Variants in PITPNC1 observed in about 807,000 individuals in gnomAD.
PITPNC1 encodes phosphatidylinositol transfer protein cytoplasmic 1.
Under a neutral mutation model 44.7 loss-of-function variants are expected in PITPNC1, and 18 were observed. That is an observed-to-expected ratio of 0.40 (90% confidence interval 0.28 to 0.60). The LOEUF (loss-of-function observed/expected upper bound fraction) is 0.60, where lower values mean the gene tolerates loss of function less well. Among genes scored for constraint, PITPNC1 ranks in the 20% least tolerant of loss-of-function variants. The pLI, the probability that PITPNC1 is intolerant of heterozygous loss-of-function variation, is 0.39. For synonymous variants in PITPNC1, 141 were observed against 149.6 expected, an observed-to-expected ratio of 0.94 and a Z score of 0.42; for missense variants, 290 against 418.4, an observed-to-expected ratio of 0.69 and a Z score of 2.68.
chr17:67,509,770 A>C (rs1465680759), intron 1 of PITPNC1, among the ~76,000 whole-genome samples: 1 of 152,158 alleles, frequency 6.6e-6, no homozygotes, highest in African/African-American at 2.4e-5. Context: ...GGGGAGGAAG[A>C]ATCAACTTCC....
intron 1 of PITPNC1, among the ~76,000 whole-genome samples, chr17:67,498,621 A>G (rs2039986920): frequency 6.6e-6 from 1 of 152,102 alleles, no homozygotes; most frequent in Non-Finnish European, 1.5e-5. Context: ...GAAGCTTCGT[A>G]TTGTTCTCCA....
chr17:67,608,720 TCTCAAACTCCTGGG>T (rs2041648537), intron 5 of PITPNC1, among the ~76,000 whole-genome samples: 1 of 148,086 alleles, frequency 6.8e-6, no homozygotes, highest in South Asian at 2.2e-4. Context: ...CCCAGGCTGG[TCTCAAACTCCTGGG>T]CTCAAGTGAT....
At chr17:67,434,735 C>T (rs1349918134) in intron 1 of PITPNC1, among the ~76,000 whole-genome samples, 1 of 150,754 alleles carries the variant, frequency 6.6e-6, no homozygotes, top group Admixed American at 6.6e-5. Flanking sequence ...ATTGCTTGAG[C>T]CCAGGAGGTG....
intron 1 of PITPNC1, among the ~76,000 whole-genome samples, chr17:67,517,295 G>T (rs542857430): frequency 6.6e-6 from 1 of 152,056 alleles, no homozygotes; most frequent in African/African-American, 2.4e-5. Context: ...TGGCTTTCTT[G>T]TTGCTGTACA....
rs113856210 is a variant in PITPNC1, at chr17:67,603,942, T to A, written c.366+25685T>A. 7.1e-3 allele frequency among the ~76,000 whole-genome samples: 956 copies of A among 135,334 alleles called. 5 individuals carry two copies. The highest frequency in any genetic ancestry group is 0.022 in the African/African-American group (811 of 36,860). The allele number at this position is 135,334 out of a possible 152,430, so 88.8% of individuals were successfully genotyped here. On this transcript the variant is annotated intron_variant, in intron 5 of 8. Coordinates refer to ENST00000581322, the MANE Select transcript of PITPNC1 (RefSeq NM_012417.4). ...AGAACGAGACTCTGTCTCATAGATT[T>A]AAAAAAAAAAAAAAAACTGTACATG...
chr17:67,584,740 C>A (rs1477519568), intron 5 of PITPNC1, among the ~76,000 whole-genome samples: 1 of 152,128 alleles, frequency 6.6e-6, no homozygotes, highest in African/African-American at 2.4e-5. Context: ...TGTCAATGAA[C>A]CATTTGCTGT....
intron 8 of PITPNC1, among the ~76,000 whole-genome samples, chr17:67,677,912 T>G (rs1284715367): frequency 1.3e-5 from 2 of 149,854 alleles, no homozygotes; most frequent in African/African-American, 4.9e-5. Context: ...CTAATAAAAA[T>G]TGAAAGAAAA....
At chr17:67,447,334 CT>C (rs2039112768) in intron 1 of PITPNC1, among the ~76,000 whole-genome samples, 1 of 151,796 alleles carries the variant, frequency 6.6e-6, no homozygotes, top group Non-Finnish European at 1.5e-5. Context: ...ACAATATAAA[CT>C]GCATGCTTAG....
At chr17:67,558,466 T>TAA (rs139657943) in intron 4 of PITPNC1, among the ~76,000 whole-genome samples, 1 of 132,542 alleles carries the variant, frequency 7.5e-6, no homozygotes. Context: ...TTTCTAGAGC[T>TAA]AAAAAAAAAA....
chr17:67,522,241 T>C (rs1425262754), intron 1 of PITPNC1, among the ~76,000 whole-genome samples: 1 of 149,534 alleles, frequency 6.7e-6, no homozygotes, highest in African/African-American at 2.5e-5. Context: ...GAGGTGGAGA[T>C]TGCAGTGCGC....
At chr17:67,404,329 T>C (rs148284634) in intron 1 of PITPNC1, among the ~76,000 whole-genome samples, 4 of 152,318 alleles carry the variant, frequency 2.6e-5, no homozygotes, top group African/African-American at 9.6e-5. Flanking sequence ...TAGATACAAT[T>C]TTAGATTACC....
At chr17:67,478,380 T>C (rs2039659383) in intron 1 of PITPNC1, among the ~76,000 whole-genome samples, 1 of 152,188 alleles carries the variant, frequency 6.6e-6, no homozygotes, top group Non-Finnish European at 1.5e-5. Context: ...GTACTTTCAT[T>C]TTGGGTAGCG....
Position 67,377,976 on chromosome 17 carries a change from C to T in PITPNC1, c.-179C>T. On this transcript the variant is annotated 5_prime_UTR_variant, in exon 1 of 9. Transcript: ENST00000581322. ...AGCTGCGAACACCCAGACCCAAACC[C>T]TGACATGCTCTGGGGCGGAGAGGAG... 2.3e-6 allele frequency: 1 copy of T among 435,188 alleles called. No homozygotes were observed. The highest frequency in any genetic ancestry group is 4.9e-5 in the South Asian group (1 of 20,288). 27.0% of individuals were successfully genotyped at this position (435,188 alleles called of 1,614,324 possible). A position where few individuals can be genotyped will look rare whatever the true frequency, so the allele number is the denominator to read the frequency against.
intron 1 of PITPNC1, among the ~76,000 whole-genome samples, chr17:67,483,746 G>C (rs971579071): frequency 6.6e-6 from 1 of 152,036 alleles, no homozygotes; most frequent in Non-Finnish European, 1.5e-5. Flanking sequence ...TCAAGCCCTG[G>C]GGGGACTTGG....
At chr17:67,541,780 G>A (rs1464890217) in intron 2 of PITPNC1, among the ~76,000 whole-genome samples, 1 of 152,178 alleles carries the variant, frequency 6.6e-6, no homozygotes, top group Non-Finnish European at 1.5e-5. Flanking sequence ...CCATTAGATG[G>A]AGAAGACTCA....
intron 6 of PITPNC1, among the ~76,000 whole-genome samples, chr17:67,653,828 G>T (rs1429858641): frequency 6.6e-6 from 1 of 152,204 alleles, no homozygotes; most frequent in African/African-American, 2.4e-5. Context: ...TGGCTTGGAA[G>T]ATTACTGGAA....
At chr17:67,425,788 C>T (rs917980002) in intron 1 of PITPNC1, among the ~76,000 whole-genome samples, 2 of 152,158 alleles carry the variant, frequency 1.3e-5, no homozygotes, top group African/African-American at 4.8e-5. Flanking sequence ...CTCAGCCTCC[C>T]AGAGTGCTGG....
chr17:67,430,028 C>A (rs997531150), intron 1 of PITPNC1, among the ~76,000 whole-genome samples: 2 of 152,214 alleles, frequency 1.3e-5, no homozygotes, highest in Admixed American at 1.3e-4. Flanking sequence ...CACAATTTTA[C>A]TTCCAGTTCT....
rs79439213 is a variant in PITPNC1 at position 67,381,882 on chromosome 17, A to C, written c.48+3680A>C. ...TTGCCTGCTTCTTGTGCCTGGCCTT[A>C]TCCCTTCTCCCTCATTTAACACTCT... On this transcript the variant is annotated intron_variant, in intron 1 of 8. Transcript: ENST00000581322. Among the ~76,000 whole-genome samples the C allele has an allele frequency of 6.6e-5, 10 of 152,296 alleles. No homozygotes were observed. In the East Asian group the frequency reaches 1.9e-3, roughly 29 times the overall value.
Sources: allele counts gnomAD v4.1 joint callset (sites outside exome capture counted in the v4.1 genomes callset), GRCh38; gene constraint gnomAD v4.1.1; transcripts MANE v1.5; gene names NCBI Gene and HGNC (gene_info 2026-07-23, HGNC 2026-07-21).